ADAM10: variants seen among roughly 807,000 people sequenced by gnomAD.
The protein encoded by ADAM10 is disintegrin and metalloproteinase domain-containing protein 10.
ADAM10 carries 17 observed loss-of-function variants against 90.1 expected under a neutral mutation model. The observed-to-expected ratio is 0.19, with a 90% confidence interval of 0.13 to 0.28. The LOEUF is 0.28. Ranked by LOEUF, ADAM10 falls within the 10% of genes least tolerant of loss-of-function variation. ADAM10 has a pLI of 1.00. For synonymous variants in ADAM10, 310 were observed against 298.6 expected (o/e 1.04, Z -0.40); for missense variants, 610 against 914.3 (o/e 0.67, Z 4.29).
intron 4 of ADAM10, among the ~76,000 whole-genome samples, chr15:58,668,719 T>C (rs1490304970): frequency 6.6e-6 from 1 of 152,124 alleles, no homozygotes; most frequent in African/African-American, 2.4e-5. Context: ...TTACTGAAAA[T>C]TCCCCTGAAG....
intron 2 of ADAM10, among the ~76,000 whole-genome samples, chr15:58,708,166 A>AATT (rs1329187920): frequency 1.2e-4 from 19 of 152,332 alleles, no homozygotes; most frequent in African/African-American, 4.6e-4. Context: ...ATCTAATGTA[A>AATT]ACCAACTGTA....
intron 1 of ADAM10, among the ~76,000 whole-genome samples, chr15:58,739,245 G>A (rs962723615): frequency 1.3e-5 from 2 of 151,814 alleles, no homozygotes; most frequent in Non-Finnish European, 2.9e-5. Flanking sequence ...GGTGGCTCAC[G>A]CCTGTAATCC....
chr15:58,658,134 G>A (rs1273818860), intron 5 of ADAM10, among the ~76,000 whole-genome samples: 1 of 151,826 alleles, frequency 6.6e-6, no homozygotes, highest in Non-Finnish European at 1.5e-5. Context: ...TTTTTTCCTA[G>A]TTTTAGTTTT....
intron 1 of ADAM10, among the ~76,000 whole-genome samples, chr15:58,746,459 C>A (rs1197911224): frequency 1.3e-5 from 2 of 152,182 alleles, no homozygotes; most frequent in Non-Finnish European, 2.9e-5. Context: ...GGCAATGGTA[C>A]CTTCCTACAA....
chr15:58,620,571 G>A (rs545519776), intron 11 of ADAM10, among the ~76,000 whole-genome samples: 121 of 151,756 alleles, frequency 8.0e-4, no homozygotes, highest in African/African-American at 2.9e-3. Context: ...AAAAGTAAAT[G>A]GATTCCACAT....
intron 1 of ADAM10, 31 bp downstream of exon 1, chr15:58,749,449 G>T (rs201536164): frequency 1.3e-6 from 2 of 1,521,492 alleles, no homozygotes; most frequent in African/African-American, 1.4e-5. Flanking sequence ...CCGTGGTCGC[G>T]GCGCCCCCGG....
chr15:58,642,608 G>C (rs1027868578), intron 7 of ADAM10, among the ~76,000 whole-genome samples: 1 of 152,052 alleles, frequency 6.6e-6, no homozygotes, highest in African/African-American at 2.4e-5. Context: ...AAGAGGTAAG[G>C]TCTAAAAACA....
Position 58,624,980 on chromosome 15 carries a change from G to A in ADAM10, c.1360+2720C>T, listed in dbSNP as rs1025400014. On this transcript the variant is annotated intron_variant, in intron 10 of 15. Coordinates refer to ENST00000260408, the MANE Select transcript of ADAM10 (RefSeq NM_001110.4). Reference sequence around the variant, plus strand: ...TCAGAAGGTTTACTGTGAAAACCCAGTTTACAAATGAAGAATCTTAATGTA... The same window carrying A: ...TCAGAAGGTTTACTGTGAAAACCCAATTTACAAATGAAGAATCTTAATGTA... Among the ~76,000 whole-genome samples the A allele has an allele frequency of 2.0e-5, 3 of 152,196 alleles. No individual in the cohort carries two copies. In the East Asian group the frequency reaches 5.8e-4, roughly 29 times the overall value.
At chr15:58,609,999 T>C (rs796550744) in intron 14 of ADAM10, 3 of 331,104 alleles carry the variant, frequency 9.1e-6, no homozygotes, top group South Asian at 9.3e-5. Flanking sequence ...TTAAGTCCCA[T>C]GAAAATGCCC....
At chr15:58,640,307 A>T (rs1226206432) in intron 8 of ADAM10, among the ~76,000 whole-genome samples, 1 of 152,054 alleles carries the variant, frequency 6.6e-6, no homozygotes, top group Non-Finnish European at 1.5e-5. Context: ...TAAAATAATA[A>T]AGGCAGGCTT....
At chr15:58,623,281 G>C (rs1219766299) in intron 10 of ADAM10, among the ~76,000 whole-genome samples, 1 of 152,178 alleles carries the variant, frequency 6.6e-6, no homozygotes, top group Non-Finnish European at 1.5e-5. Context: ...CTGGGACAAA[G>C]CCACTTGGCA....
rs1231744988 is a variant in ADAM10 at position 58,597,308 on chromosome 15, T to C, written c.*239A>G. 7.3e-7 allele frequency: 1 copy of C among 1,374,140 alleles called. No individual in the cohort carries two copies. Among genetic ancestry groups the C allele is most frequent in the Non-Finnish European group, 9.8e-7 (1 of 1,017,058 alleles). The allele number at this position is 1,374,140 out of a possible 1,614,324, so 85.1% of individuals were successfully genotyped here. A position where few individuals can be genotyped will look rare whatever the true frequency, so the allele number is the denominator to read the frequency against. ...TATTCTAAGACTTTGTGCCATTAAG[T>C]TAAAAATATCTGTTCATAAGAAAAT... On this transcript the variant is annotated 3_prime_UTR_variant, in exon 16 of 16. Coordinates refer to ENST00000260408, the MANE Select transcript of ADAM10 (RefSeq NM_001110.4).
chr15:58,691,676 C>CTTCT (rs746349800), intron 2 of ADAM10: 19 of 231,888 alleles, frequency 8.2e-5, no homozygotes, highest in African/African-American at 8.0e-4. Flanking sequence ...ACTTCTTCTT[C>CTTCT]TTTTTTTTTT....
At chr15:58,714,386 A>G (rs951220552) in intron 2 of ADAM10, among the ~76,000 whole-genome samples, 2 of 151,958 alleles carry the variant, frequency 1.3e-5, no homozygotes, top group Non-Finnish European at 2.9e-5. Context: ...ACCCCTTCCA[A>G]GTATATTCTT....
At chr15:58,710,755 G>C (rs1200046708) in intron 2 of ADAM10, among the ~76,000 whole-genome samples, 1 of 152,134 alleles carries the variant, frequency 6.6e-6, no homozygotes, top group Non-Finnish European at 1.5e-5. Context: ...TATAACAATA[G>C]TATTTTTACA....
At chr15:58,636,342 T>C (rs145130062) in intron 8 of ADAM10, among the ~76,000 whole-genome samples, 47 of 152,192 alleles carry the variant, frequency 3.1e-4, no homozygotes, top group African/African-American at 1.1e-3. Flanking sequence ...AGTAACTTGA[T>C]TATACAGGAA....
At chr15:58,692,525 T>C (rs572225103) in intron 2 of ADAM10, 1 of 523,684 alleles carries the variant, frequency 1.9e-6, no homozygotes, top group Admixed American at 2.1e-5. Context: ...TCATCATCAC[T>C]GATTTCCTTC....
intron 8 of ADAM10, among the ~76,000 whole-genome samples, chr15:58,636,588 T>G (rs1178887617): frequency 6.6e-6 from 1 of 152,166 alleles, no homozygotes; most frequent in Non-Finnish European, 1.5e-5. Context: ...CGTTTTCAAT[T>G]CGGGTCAAAA....
intron 1 of ADAM10, among the ~76,000 whole-genome samples, chr15:58,724,223 C>T (rs1168273658): frequency 2.0e-5 from 3 of 151,350 alleles, no homozygotes; most frequent in African/African-American, 7.3e-5. Flanking sequence ...CTTAGTACAA[C>T]AACATTGTTA....
Sources: allele counts gnomAD v4.1 joint callset (sites outside exome capture counted in the v4.1 genomes callset), GRCh38; gene constraint gnomAD v4.1.1; transcripts MANE v1.5; gene names NCBI Gene and HGNC (gene_info 2026-07-23, HGNC 2026-07-21).